SYT2: variants seen among roughly 807,000 people sequenced by gnomAD.
The protein encoded by SYT2 is synaptotagmin-2.
In SYT2, 15 loss-of-function variants were observed where a neutral mutation model predicts 39.9. The observed-to-expected ratio is 0.38, with a 90% CI of 0.25 to 0.58. The LOEUF (loss-of-function observed/expected upper bound fraction) is 0.58, where lower values mean the gene tolerates loss of function less well. Among genes scored for constraint, SYT2 ranks in the 20% least tolerant of loss-of-function variants. SYT2 has a pLI of 0.70. For synonymous variants in SYT2, 181 were observed against 204.5 expected (o/e 0.89, Z 0.98); for missense variants, 389 against 530.3 (o/e 0.73, Z 2.62).
At position 202,655,002 on chromosome 1, in the gene SYT2, C is replaced by T. The variant is rs557438558; in HGVS notation, c.-17-49213G>A. Among the ~76,000 whole-genome samples, 20 of 152,296 alleles carry T rather than the reference C, an allele frequency of 1.3e-4. No individual in the cohort carries two copies. In the South Asian group the frequency reaches 4.1e-3, roughly 32 times the overall value. On this transcript the variant is annotated intron_variant, in intron 1 of 8. Coordinates refer to ENST00000367268, the MANE Select transcript of SYT2 (RefSeq NM_177402.5). ...AGGGGCACTAAAAGCAACTCCTAAG[C>T]TCCTGGCTTGTACTATGGGCCAAAT...
chr1:202,659,778 G>A (rs1692345502), intron 1 of SYT2, among the ~76,000 whole-genome samples: 1 of 152,216 alleles, frequency 6.6e-6, no homozygotes, highest in Admixed American at 6.5e-5. Context: ...GCATAGCCGA[G>A]CCAATCTGGG....
At chr1:202,675,519 G>T (rs1653344410) in intron 1 of SYT2, among the ~76,000 whole-genome samples, 1 of 152,156 alleles carries the variant, frequency 6.6e-6, no homozygotes, top group South Asian at 2.1e-4. Context: ...AGGGGCTGGA[G>T]TCACTCTGAG....
intron 1 of SYT2, among the ~76,000 whole-genome samples, chr1:202,673,470 GGAGT>G (rs2149109984): frequency 6.6e-6 from 1 of 152,282 alleles, no homozygotes; most frequent in African/African-American, 2.4e-5. Flanking sequence ...TGAAAAGTTT[GGAGT>G]GAGTTTTGAC....
At chr1:202,604,731 C>T (rs1487786424) in intron 2 of SYT2, 110 bp from the exon 3 acceptor site, 4 of 1,040,788 alleles carry the variant, frequency 3.8e-6, no homozygotes, top group Non-Finnish European at 5.6e-6. Flanking sequence ...CCACAATGCC[C>T]ACACCCCACA....
intron 1 of SYT2, among the ~76,000 whole-genome samples, chr1:202,629,419 T>C (rs528577325): frequency 9.8e-5 from 15 of 152,318 alleles, no homozygotes; most frequent in African/African-American, 3.6e-4. Context: ...AGTCTCTATT[T>C]TGGTTGCTCA....
intron 6 of SYT2, among the ~76,000 whole-genome samples, chr1:202,600,933 A>G (rs1690483044): frequency 6.6e-6 from 1 of 152,146 alleles, no homozygotes; most frequent in Non-Finnish European, 1.5e-5. Context: ...TTCCCTTAAC[A>G]GTCCCACCCA....
At chr1:202,652,258 G>A (rs1296229504) in intron 1 of SYT2, among the ~76,000 whole-genome samples, 1 of 152,208 alleles carries the variant, frequency 6.6e-6, no homozygotes, top group East Asian at 1.9e-4. Context: ...GCTCCCTGGG[G>A]AGAAATAAAC....
At chr1:202,692,306 C>T (rs1372163211) in intron 1 of SYT2, among the ~76,000 whole-genome samples, 2 of 152,154 alleles carry the variant, frequency 1.3e-5, no homozygotes, top group African/African-American at 4.8e-5. Context: ...TGCCCACTAC[C>T]TGCCACAAAA....
In SYT2 at chr1:202,659,489, T is replaced by C. The variant is rs149585296; in HGVS notation, c.-18+50769A>G. ...ACAGAAAGAGAGCGGCAAAAAGAGA[T>C]AGCTTAGAAGTGTGGTCAGGCTGGC... On this transcript the variant is annotated intron_variant, in intron 1 of 8. Coordinates refer to ENST00000367268, the MANE Select transcript of SYT2 (RefSeq NM_177402.5). Among the ~76,000 whole-genome samples, 27 of 152,292 alleles carry C rather than the reference T, an allele frequency of 1.8e-4. 1 individual carries two copies. In the East Asian group the frequency reaches 5.2e-3, roughly 29 times the overall value.
chr1:202,684,919 AG>A lies in SYT2; in HGVS notation c.-18+25338del, dbSNP rs1558461022. Among the ~76,000 whole-genome samples the A allele has an allele frequency of 2.0e-5, 3 of 152,138 alleles. No individual in the cohort carries two copies. In the South Asian group the frequency reaches 6.2e-4, roughly 32 times the overall value. On this transcript the variant is annotated intron_variant, in intron 1 of 8. Coordinates refer to ENST00000367268, the MANE Select transcript of SYT2 (RefSeq NM_177402.5). ...CACCTGATGCCCTCCAGGACACAGC[AG>A]GGGGGATGACATGCTCAAAAGGTAT...
chr1:202,695,540 G>C (rs1349759703), intron 1 of SYT2, among the ~76,000 whole-genome samples: 2 of 152,204 alleles, frequency 1.3e-5, no homozygotes, highest in Non-Finnish European at 1.5e-5. Flanking sequence ...GAGAGCAAAG[G>C]TGTAATTGAA....
At chr1:202,679,263 A>G (rs573408873) in intron 1 of SYT2, among the ~76,000 whole-genome samples, 2 of 152,020 alleles carry the variant, frequency 1.3e-5, no homozygotes, top group East Asian at 3.9e-4. Flanking sequence ...TTGATGGTGA[A>G]GACTCCCTCT....
At chr1:202,642,327 G>A (rs1691938015) in intron 1 of SYT2, among the ~76,000 whole-genome samples, 1 of 151,818 alleles carries the variant, frequency 6.6e-6, no homozygotes, top group Non-Finnish European at 1.5e-5. Context: ...CAGAGGCTCG[G>A]GCAGGCGTGC....
intron 1 of SYT2, among the ~76,000 whole-genome samples, chr1:202,698,716 T>G (rs1572686484): frequency 6.6e-6 from 1 of 151,990 alleles, no homozygotes. Context: ...TGGATAGGAA[T>G]AGGAAATAGG....
Position 202,639,268 on chromosome 1 carries a change from C to T in SYT2, c.-17-33479G>A, listed in dbSNP as rs575144918. 1.5e-3 allele frequency among the ~76,000 whole-genome samples: 228 copies of T among 152,328 alleles called. 1 individual carries two copies. The highest frequency in any genetic ancestry group is 2.1e-3 in the Admixed American group (32 of 15,312). ...CAGTATCTAGATCAGGAAGTTCCTT[C>T]CTATCAGGACCCATGTCCTTTCTGC... On this transcript the variant is annotated intron_variant, in intron 1 of 8. Transcript: ENST00000367268.
chr1:202,667,199 GA>G (rs1692494428), intron 1 of SYT2, among the ~76,000 whole-genome samples: 1 of 151,536 alleles, frequency 6.6e-6, no homozygotes, highest in African/African-American at 2.4e-5. Context: ...CTAGGGCTGG[GA>G]GGAAAAAAAG....
chr1:202,686,422 TCAGA>T, intron 1 of SYT2, among the ~76,000 whole-genome samples: 2 of 152,298 alleles, frequency 1.3e-5, no homozygotes, highest in African/African-American at 2.4e-5. Flanking sequence ...TGTCTTAACC[TCAGA>T]CAGACAGACA....
chr1:202,612,190 A>G (rs1228655461), intron 1 of SYT2, among the ~76,000 whole-genome samples: 1 of 152,168 alleles, frequency 6.6e-6, no homozygotes, highest in East Asian at 1.9e-4. Context: ...TTCCCTTGTA[A>G]AATATCAACT....
intron 1 of SYT2, among the ~76,000 whole-genome samples, chr1:202,606,561 T>A (rs774940641): frequency 1.3e-5 from 2 of 152,126 alleles, no homozygotes; most frequent in African/African-American, 2.4e-5. Flanking sequence ...ACGGGCTCCC[T>A]CAGTGCCCAC....
Sources: gnomAD v4.1 joint callset for allele counts (sites outside exome capture counted in the v4.1 genomes callset) on GRCh38, gnomAD v4.1.1 for gene constraint, MANE v1.5 for transcripts, NCBI Gene and HGNC (gene_info 2026-07-23, HGNC 2026-07-21) for gene names.